Variants in SLC22A2 observed in about 807,000 individuals in gnomAD.
SLC22A2 encodes solute carrier family 22 member 2.
SLC22A2 carries 46 observed loss-of-function variants against 60.5 expected under a neutral mutation model. That is an observed-to-expected ratio of 0.76 (90% CI 0.60 to 0.97). The LOEUF is 0.97. Ranked by LOEUF, SLC22A2 falls within the 50% of genes least tolerant of loss-of-function variation. SLC22A2 has a pLI of 0.00. For missense variants in SLC22A2, 701 were observed against 706.6 expected (o/e 0.99, Z 0.09); for synonymous variants, 303 against 267.0 (o/e 1.13, Z -1.31).
At chr6:160,241,353 C>T (rs1163876651) in intron 9 of SLC22A2, 121 bp downstream of exon 9, 15 of 641,718 alleles carry the variant, frequency 2.3e-5, no homozygotes, top group East Asian at 2.7e-5. Flanking sequence ...ATCATTACTA[C>T]TATGAGTAGT....
In SLC22A2 at chr6:160,249,336, T is replaced by TA; in HGVS notation, c.721dup (p.Tyr241LeufsTer45). The TA allele has an allele frequency of 1.2e-6, 2 of 1,613,502 alleles. No homozygotes were observed. The highest frequency in any genetic ancestry group is 1.7e-6 in the Non-Finnish European group (2 of 1,179,780). ...GAGCCCAACTGTATAGGCAACTTGGTAAAAAATCCCCACTGTTCTCCGATA... is the reference window on the plus strand; with the variant it reads ...GAGCCCAACTGTATAGGCAACTTGGTAAAAAAATCCCCACTGTTCTCCGATA... On this transcript the variant is annotated frameshift_variant, in exon 4 of 11. Transcript: ENST00000366953. LOFTEE classifies it high-confidence loss of function.
intron 3 of SLC22A2, 142 bp from the exon 4 acceptor site, chr6:160,249,526 GT>G (rs1184163062): frequency 5.7e-5 from 38 of 666,856 alleles, no homozygotes; most frequent in Admixed American, 3.5e-5. Context: ...ATTTTTAAGT[GT>G]TTTTTGGTTT....
At chr6:160,240,159 G>T (rs571966113) in intron 9 of SLC22A2, among the ~76,000 whole-genome samples, 1 of 152,318 alleles carries the variant, frequency 6.6e-6, no homozygotes, top group South Asian at 2.1e-4. Context: ...GCTTTCAGGA[G>T]GTTGGTATTT....
At chr6:160,243,905 C>T (rs1783052217) in intron 6 of SLC22A2, 119 bp from the exon 7 acceptor site, 1 of 660,644 alleles carries the variant, frequency 1.5e-6, no homozygotes, top group Non-Finnish European at 2.6e-6. Flanking sequence ...CATCTCCTTG[C>T]TAGTCCCCCA....
At position 160,258,364 on chromosome 6, in the gene SLC22A2, C is replaced by T; in HGVS notation, c.394G>A (p.Gly132Ser). The stretch of plus-strand genomic sequence containing the variant: ...CTTACCTCGGTGACGATGGACGAGC[C>T]AGGCGTCTCGTACACCCAGCCGTCC... ...CRDGWVYETP[G>S]SSIVTEFNLV... is the part of the protein sequence containing the mutation. The change falls in exon 1 of 11, where the codon GGC (glycine) becomes AGC (serine). Residue 132 changes from glycine to serine, a missense_variant. Gly to Ser is a moderately conservative substitution (Grantham distance 56, BLOSUM62 0). Coordinates refer to ENST00000366953, the MANE Select transcript of SLC22A2 (RefSeq NM_003058.4). The T allele has an allele frequency of 6.2e-7, 1 of 1,611,750 alleles. No homozygotes were observed. The highest frequency in any genetic ancestry group is 1.7e-4 in the Middle Eastern group (1 of 6,054).
Position 160,227,375 on chromosome 6 carries a change from A to G in SLC22A2, c.1502-2571T>C, listed in dbSNP as rs143904204. On this transcript the variant is annotated intron_variant, in intron 9 of 10. Transcript: ENST00000366953. ...ACTTAACTCTTTCAAGCAATTGCCAATCAGAAAATCTTTGAATCCACCTAT... is the reference window on the plus strand; with the variant it reads ...ACTTAACTCTTTCAAGCAATTGCCAGTCAGAAAATCTTTGAATCCACCTAT... Among the ~76,000 whole-genome samples, 209 of 152,298 alleles carry G rather than the reference A, an allele frequency of 1.4e-3. 1 individual carries two copies. Among genetic ancestry groups the G allele is most frequent in the Middle Eastern group, 6.8e-3 (2 of 294 alleles).
rs200999717 is a variant in SLC22A2, at chr6:160,258,455, G to A, written c.303C>T (p.Phe101=). The A allele has an allele frequency of 1.7e-5, 27 of 1,614,184 alleles. No homozygotes were observed. In the African/African-American group the frequency reaches 2.5e-4, roughly 15 times the overall value. ...RYEVDWNQST[F]DCVDPLASLD... is the part of the protein sequence containing the mutation. ...GGCTGGCCAGGGGGTCCACGCAGTCGAAGGTGCTCTGGTTCCAGTCCACCT... is the reference window on the plus strand; with the variant it reads ...GGCTGGCCAGGGGGTCCACGCAGTCAAAGGTGCTCTGGTTCCAGTCCACCT... The change falls in exon 1 of 11, where the codon TTC becomes TTT. Residue 101 remains phenylalanine (F), a synonymous_variant. Coordinates refer to ENST00000366953, the MANE Select transcript of SLC22A2 (RefSeq NM_003058.4).
intron 9 of SLC22A2, among the ~76,000 whole-genome samples, chr6:160,225,784 C>A (rs1037354160): frequency 6.6e-6 from 1 of 152,154 alleles, no homozygotes; most frequent in African/African-American, 2.4e-5. Context: ...TACTCTTGTG[C>A]CAATTAAAAC....
At chr6:160,218,123 C>T (rs182103563) in intron 10 of SLC22A2, 373 of 194,398 alleles carry the variant, frequency 1.9e-3, no homozygotes, top group Non-Finnish European at 2.9e-3. Flanking sequence ...CACAGAATTT[C>T]CCCCACCTGG....
intron 9 of SLC22A2, among the ~76,000 whole-genome samples, chr6:160,227,511 T>C (rs924300701): frequency 9.9e-5 from 15 of 152,234 alleles, no homozygotes; most frequent in Non-Finnish European, 2.9e-5. Context: ...AAAACCAAGC[T>C]GTAATCCAAC....
chr6:160,243,736 G>T lies in SLC22A2; in HGVS notation c.1115C>A (p.Ala372Glu). The T allele has an allele frequency of 6.2e-7, 1 of 1,613,996 alleles. No individual in the cohort carries two copies. Among genetic ancestry groups the T allele is most frequent in the Non-Finnish European group, 8.5e-7 (1 of 1,179,940 alleles). ...YQGLIMHMGLAGDNIYLDFFY... is the reference protein window; with the variant it reads ...YQGLIMHMGLEGDNIYLDFFY... The stretch of plus-strand genomic sequence containing the variant: ...GAAATCCAGGTAGATATTGTCACCT[G>T]CAAGGCCCATGTGCATGATGAGGCC... The change falls in exon 7 of 11, where the codon GCA becomes GAA. Residue 372 changes from alanine to glutamate, a missense_variant. By Grantham distance (107) the Ala-to-Glu change is moderately radical. Coordinates refer to ENST00000366953, the MANE Select transcript of SLC22A2 (RefSeq NM_003058.4).
chr6:160,241,028 C>A (rs948989363), intron 9 of SLC22A2, among the ~76,000 whole-genome samples: 7 of 138,706 alleles, frequency 5.0e-5, no homozygotes, highest in African/African-American at 1.9e-4. Context: ...AAAATTTTAA[C>A]CCCCTTCTTT....
In SLC22A2 at chr6:160,247,271, C is replaced by T; in HGVS notation, c.870G>A (p.Leu290=). 1 of 1,612,676 alleles carries T rather than the reference C, an allele frequency of 6.2e-7. No individual in the cohort carries two copies. Among genetic ancestry groups the T allele is most frequent in the Non-Finnish European group, 8.5e-7 (1 of 1,178,674 alleles). ...YWCIPESPRW[L]ISQNKNAEAM... The stretch of plus-strand genomic sequence containing the variant: ...CTTCAGCATTCTTATTCTGGGAGAT[C>T]AGCCACCTGGGAGACTCAGGTATGC... The change falls in exon 5 of 11, where the codon CTG becomes CTA. Residue 290 remains leucine (L), a synonymous_variant. Transcript: ENST00000366953.
At chr6:160,236,800 G>C (rs1338080144) in intron 9 of SLC22A2, among the ~76,000 whole-genome samples, 1 of 151,368 alleles carries the variant, frequency 6.6e-6, no homozygotes. Flanking sequence ...GGGACCTCAA[G>C]AGGAGAGGCA....
At chr6:160,230,154 C>T (rs1782794988) in intron 9 of SLC22A2, among the ~76,000 whole-genome samples, 1 of 151,728 alleles carries the variant, frequency 6.6e-6, no homozygotes. Context: ...CCAGGCCGAG[C>T]TAGGTCCCAA....
At chr6:160,249,938 T>C (rs2114869136) in intron 3 of SLC22A2, among the ~76,000 whole-genome samples, 1 of 152,358 alleles carries the variant, frequency 6.6e-6, no homozygotes, top group East Asian at 1.9e-4. Flanking sequence ...GTTCAACCCG[T>C]TGGTATCAGC....
chr6:160,224,462 T>C lies in SLC22A2; in HGVS notation c.1601+243A>G, dbSNP rs564733487. ...AGCAAACATATTGACCTTTCTTCTA[T>C]GGATTCTGGATTTTTTGGGTCATAT... On this transcript the variant is annotated intron_variant, in intron 10 of 10. Coordinates refer to ENST00000366953, the MANE Select transcript of SLC22A2 (RefSeq NM_003058.4). 5.3e-5 allele frequency among the ~76,000 whole-genome samples: 8 copies of C among 152,352 alleles called. No individual in the cohort carries two copies. The East Asian group carries it at 1.3e-3, about 26-fold the overall frequency.
Position 160,226,253 on chromosome 6 carries a change from C to T in SLC22A2, c.1502-1449G>A, listed in dbSNP as rs9457873. ...TTCACCCCTGACCAATCAGCACTGC[C>T]GGCTCACTGGCTTCCCCCACCCACA... On this transcript the variant is annotated intron_variant, in intron 9 of 10. Coordinates refer to ENST00000366953, the MANE Select transcript of SLC22A2 (RefSeq NM_003058.4). Among the ~76,000 whole-genome samples, 1,296 of 152,280 alleles carry T rather than the reference C, an allele frequency of 8.5e-3. 27 individuals are homozygous for T. The highest frequency in any genetic ancestry group is 0.03 in the African/African-American group (1,229 of 41,562).
intron 10 of SLC22A2, among the ~76,000 whole-genome samples, chr6:160,219,763 T>C (rs927008016): frequency 6.6e-6 from 1 of 152,232 alleles, no homozygotes; most frequent in Non-Finnish European, 1.5e-5. Flanking sequence ...AAGTGAATCA[T>C]ACATTTTTGT....
Sources: allele counts gnomAD v4.1 joint callset (sites outside exome capture counted in the v4.1 genomes callset), GRCh38; gene constraint gnomAD v4.1.1; transcripts MANE v1.5; gene names NCBI Gene and HGNC (gene_info 2026-07-23, HGNC 2026-07-21).